Variants in XPR1 observed in about 807,000 individuals in gnomAD.
The protein encoded by XPR1 is xenotropic and polytropic retrovirus receptor 1.
A neutral mutation model predicts 87.5 loss-of-function variants in XPR1; 28 were observed. The observed-to-expected ratio is 0.32, with a 90% CI of 0.24 to 0.44. XPR1 has a LOEUF of 0.44. Ranked by LOEUF, XPR1 falls within the 20% of genes least tolerant of loss-of-function variation. XPR1 has a pLI of 1.00. For synonymous variants in XPR1, 300 were observed against 306.1 expected (o/e 0.98, Z 0.21); for missense variants, 559 against 862.3 (o/e 0.65, Z 4.41).
intron 11 of XPR1, among the ~76,000 whole-genome samples, chr1:180,843,145 G>T (rs1229680861): frequency 6.6e-6 from 1 of 152,114 alleles, no homozygotes; most frequent in Admixed American, 6.5e-5. Flanking sequence ...CCTCCCTGGG[G>T]TATGACCAGT....
chr1:180,808,959 T>C (rs1650103232), intron 6 of XPR1, among the ~76,000 whole-genome samples: 1 of 152,152 alleles, frequency 6.6e-6, no homozygotes, highest in Admixed American at 6.6e-5. Flanking sequence ...TGCAAATATA[T>C]GTTCATATAA....
chr1:180,696,419 C>G (rs10914071), intron 2 of XPR1, among the ~76,000 whole-genome samples: 6,527 of 151,874 alleles, frequency 0.043, 501 homozygotes, highest in African/African-American at 0.15. Flanking sequence ...TAAAGCAGGA[C>G]AACTTGACTT....
At chr1:180,644,831 A>C (rs142998819) in intron 1 of XPR1, among the ~76,000 whole-genome samples, 1 of 151,956 alleles carries the variant, frequency 6.6e-6, no homozygotes, top group Non-Finnish European at 1.5e-5. Context: ...GTAGTATATA[A>C]TGAAATAATT....
intron 1 of XPR1, among the ~76,000 whole-genome samples, chr1:180,672,958 T>G (rs924022792): frequency 1.1e-4 from 16 of 152,238 alleles, no homozygotes; most frequent in Admixed American, 3.9e-4. Context: ...TGCTTTTCTT[T>G]ATTTATTTTA....
chr1:180,656,014 A>G (rs867424074), intron 1 of XPR1, among the ~76,000 whole-genome samples: 5 of 152,090 alleles, frequency 3.3e-5, no homozygotes, highest in African/African-American at 1.2e-4. Flanking sequence ...ATTATTGACT[A>G]TAGTCAACCT....
At chr1:180,744,646 A>ATTTTTTTTTTTTTTTTTTTTTT (rs1295757177) in intron 2 of XPR1, among the ~76,000 whole-genome samples, 2 of 48,198 alleles carry the variant, frequency 4.1e-5, no homozygotes, top group African/African-American at 1.8e-4. Flanking sequence ...TTTAGGCACA[A>ATTTTTTTTTTTTTTTTTTTTTT]TTTCTTTCTT....
intron 11 of XPR1, among the ~76,000 whole-genome samples, chr1:180,848,786 A>G (rs1189419657): frequency 6.6e-6 from 1 of 152,200 alleles, no homozygotes; most frequent in South Asian, 2.1e-4. Context: ...TCCCACCAAC[A>G]TTATAAAAAG....
At chr1:180,788,949 C>G (rs1649280219) in intron 3 of XPR1, among the ~76,000 whole-genome samples, 2 of 152,070 alleles carry the variant, frequency 1.3e-5, no homozygotes, top group African/African-American at 2.4e-5. Context: ...CTCAGATATC[C>G]TTTTTCAGCA....
chr1:180,841,350 A>T (rs1018630487), intron 11 of XPR1, among the ~76,000 whole-genome samples: 1 of 151,014 alleles, frequency 6.6e-6, no homozygotes, highest in Non-Finnish European at 1.5e-5. Context: ...AGTAGTTCTC[A>T]GTTCTATTCT....
intron 11 of XPR1, among the ~76,000 whole-genome samples, chr1:180,840,532 T>TTTTGTG (rs1651466990): frequency 9.1e-6 from 1 of 110,440 alleles, no homozygotes; most frequent in African/African-American, 3.3e-5. Flanking sequence ...GTTAACATAT[T>TTTTGTG]TGTGTGTGTG....
At chr1:180,635,241 C>T (rs949167984) in intron 1 of XPR1, among the ~76,000 whole-genome samples, 1 of 152,070 alleles carries the variant, frequency 6.6e-6, no homozygotes, top group African/African-American at 2.4e-5. Context: ...TAAACACAAA[C>T]AAGCCGAGAC....
At position 180,877,742 on chromosome 1, in the gene XPR1, TA is replaced by T. The variant is rs936373511; in HGVS notation, c.1809-2324del. 8.9e-3 allele frequency among the ~76,000 whole-genome samples: 1,322 copies of T among 147,942 alleles called. 22 individuals carry two copies. Among genetic ancestry groups the T allele is most frequent in the African/African-American group, 0.029 (1,175 of 40,570 alleles). ...TATACTTCTGTTGAAATGCTTATCTTAAAAAAAAAAGGCAAATTAGCCAAGA... is the reference window on the plus strand; with the variant it reads ...TATACTTCTGTTGAAATGCTTATCTTAAAAAAAAAGGCAAATTAGCCAAGA... On this transcript the variant is annotated intron_variant, in intron 13 of 14. Transcript: ENST00000367590.
chr1:180,817,048 G>A (rs1264383901), intron 7 of XPR1, among the ~76,000 whole-genome samples: 5 of 151,898 alleles, frequency 3.3e-5, no homozygotes, highest in Non-Finnish European at 1.5e-5. Flanking sequence ...GTAGGCCTAG[G>A]CTAATATGTG....
At chr1:180,860,821 T>C (rs910018163) in intron 11 of XPR1, among the ~76,000 whole-genome samples, 1 of 149,732 alleles carries the variant, frequency 6.7e-6, no homozygotes, top group Non-Finnish European at 1.5e-5. Context: ...AAAAAAGAAA[T>C]AACATGGGCT....
At chr1:180,792,641 G>A (rs1002039379) in intron 3 of XPR1, among the ~76,000 whole-genome samples, 52 of 152,178 alleles carry the variant, frequency 3.4e-4, no homozygotes, top group Admixed American at 1.3e-3. Flanking sequence ...ATCATAGGAA[G>A]AGAAGGGAAT....
At chr1:180,655,449 G>C (rs1167464353) in intron 1 of XPR1, among the ~76,000 whole-genome samples, 2 of 145,376 alleles carry the variant, frequency 1.4e-5, no homozygotes, top group Non-Finnish European at 3.0e-5. Context: ...CACCCAGGCT[G>C]AAGTGTGGTG....
At chr1:180,852,547 T>C (rs545698832) in intron 11 of XPR1, among the ~76,000 whole-genome samples, 6 of 152,248 alleles carry the variant, frequency 3.9e-5, no homozygotes, top group East Asian at 1.9e-4. Context: ...ATAACTCTTA[T>C]GGTTTTCGTT....
intron 7 of XPR1, 98 bp from the exon 8 acceptor site, chr1:180,824,655 T>C: frequency 9.5e-7 from 1 of 1,049,592 alleles, no homozygotes; most frequent in South Asian, 1.6e-5. Flanking sequence ...GAAAAATTTC[T>C]ATGCCAGGGC....
intron 2 of XPR1, among the ~76,000 whole-genome samples, chr1:180,767,103 A>G (rs1319806231): frequency 1.3e-5 from 2 of 152,182 alleles, no homozygotes; most frequent in Non-Finnish European, 2.9e-5. Flanking sequence ...AGAGCCTACA[A>G]ATGGCTATTT....
Sources: gnomAD v4.1 joint callset for allele counts (sites outside exome capture counted in the v4.1 genomes callset) on GRCh38, gnomAD v4.1.1 for gene constraint, MANE v1.5 for transcripts, NCBI Gene and HGNC (gene_info 2026-07-23, HGNC 2026-07-21) for gene names.